The following AKR1C1 variants were observed in gnomAD, a reference collection of about 807,000 sequenced individuals.
AKR1C1 encodes 20 alpha-hydroxysteroid dehydrogenase.
AKR1C1 carries 32 observed loss-of-function variants against 40.6 expected under a neutral mutation model. The ratio of observed to expected loss-of-function variants is 0.79; its 90% CI spans 0.60 to 1.06. The LOEUF (loss-of-function observed/expected upper bound fraction) is 1.06, where lower values mean the gene tolerates loss of function less well. AKR1C1 is among the 50% of genes least tolerant of loss of function. AKR1C1 has a pLI of 0.00. For synonymous variants in AKR1C1, 105 were observed against 134.2 expected (o/e 0.78, Z 1.50); for missense variants, 320 against 363.5 (o/e 0.88, Z 0.97).
chr10:4,975,980 A>T (rs1488784235), intron 8 of AKR1C1, 47 bp downstream of exon 8: 1 of 388,034 alleles, frequency 2.6e-6, no homozygotes, highest in Non-Finnish European at 4.6e-6. Context: ...TCAGAGGAGG[A>T]ACGTAGGATG....
chr10:4,969,034 C>A (rs1311938427), intron 5 of AKR1C1, 90 bp downstream of exon 5: 23 of 1,596,820 alleles, frequency 1.4e-5, no homozygotes, highest in Non-Finnish European at 1.8e-5. Context: ...TCCCACTTAT[C>A]TTTGTAAAAG....
intron 5 of AKR1C1, among the ~76,000 whole-genome samples, chr10:4,971,826 T>G (rs1836433929): frequency 6.6e-6 from 1 of 152,072 alleles, no homozygotes; most frequent in South Asian, 2.1e-4. Context: ...ATTAGGAAAC[T>G]AGTTCTTTTG....
intron 5 of AKR1C1, chr10:4,969,623 T>C: frequency 4.4e-6 from 7 of 1,591,504 alleles, no homozygotes; most frequent in Non-Finnish European, 6.0e-6. Context: ...TTGGAGTCTG[T>C]CATGCAATCA....
intron 5 of AKR1C1, among the ~76,000 whole-genome samples, chr10:4,970,995 C>T (rs185528183): frequency 9.7e-4 from 148 of 151,948 alleles, no homozygotes; most frequent in African/African-American, 3.5e-3. Flanking sequence ...TAACAGTGGT[C>T]AGATCTGTTG....
chr10:4,968,216 T>C (rs1836359784), intron 3 of AKR1C1, 93 bp from the exon 4 acceptor site: 3 of 1,382,186 alleles, frequency 2.2e-6, no homozygotes, highest in Non-Finnish European at 2.0e-6. Context: ...ACCTACCTCA[T>C]GGAGGATTAG....
At chr10:4,969,888 A>G (rs1836396686) in intron 5 of AKR1C1, 2 of 648,624 alleles carry the variant, frequency 3.1e-6, no homozygotes, top group African/African-American at 3.7e-5. Flanking sequence ...AAAATTAGTG[A>G]ATTTGGTATA....
rs1394076669 is a variant in AKR1C1, at chr10:4,981,358, C to G, written c.*3616C>G. The G allele has an allele frequency of 6.6e-6, 1 of 152,104 alleles. No homozygotes were observed. Among genetic ancestry groups the G allele is most frequent in the African/African-American group, 2.4e-5 (1 of 41,400 alleles). The allele number at this position is 152,104 out of a possible 1,614,324, so 9.4% of individuals were successfully genotyped here. On this transcript the variant is annotated 3_prime_UTR_variant, in exon 9 of 9. Transcript: ENST00000380872. The stretch of plus-strand genomic sequence containing the variant: ...ACAAGAAATAATTTTAAAAACTACT[C>G]AAAGAAATCAGAGATATCACAAAAT...
intron 1 of AKR1C1, chr10:4,964,032 C>T (rs904173441): frequency 3.5e-6 from 2 of 574,750 alleles, no homozygotes; most frequent in African/African-American, 3.9e-5. Context: ...GGAAAATTAC[C>T]TGAAACGATA....
chr10:4,965,868 C>T (rs746238071), intron 1 of AKR1C1, 46 bp from the exon 2 acceptor site: 1 of 1,582,676 alleles, frequency 6.3e-7, no homozygotes, highest in African/African-American at 1.4e-5. Flanking sequence ...TGAACTAACT[C>T]TCAGGCACAT....
chr10:4,977,985 CTA>C lies in AKR1C1; in HGVS notation c.*245_*246del. 5.5e-6 allele frequency: 3 copies of C among 549,088 alleles called. No homozygotes were observed. The highest frequency in any genetic ancestry group is 9.5e-6 in the Non-Finnish European group (3 of 314,538). 34.0% of individuals were successfully genotyped at this position (549,088 alleles called of 1,614,324 possible). A position where few individuals can be genotyped will look rare whatever the true frequency, so the allele number is the denominator to read the frequency against. On this transcript the variant is annotated 3_prime_UTR_variant, in exon 9 of 9. Coordinates refer to ENST00000380872, the MANE Select transcript of AKR1C1 (RefSeq NM_001353.6). Reference sequence around the variant, plus strand: ...TCACCTACTTTGGTCTCCATAACTTCTATGTTTTCTTTCCTTCTGACACACTA... The same window carrying C: ...TCACCTACTTTGGTCTCCATAACTTCTGTTTTCTTTCCTTCTGACACACTA...
intron 5 of AKR1C1, among the ~76,000 whole-genome samples, chr10:4,970,725 C>T (rs1192284318): frequency 6.7e-6 from 1 of 149,062 alleles, no homozygotes; most frequent in Non-Finnish European, 1.5e-5. Context: ...AAACCAAACA[C>T]CGCATATTCT....
At chr10:4,969,066 A>T in intron 5 of AKR1C1, 122 bp downstream of exon 5, 1 of 1,557,288 alleles carries the variant, frequency 6.4e-7, no homozygotes, top group Non-Finnish European at 8.7e-7. Flanking sequence ...GAGAGCAAAG[A>T]CTCTGTCTCG....
intron 1 of AKR1C1, among the ~76,000 whole-genome samples, chr10:4,964,278 G>A (rs1180708282): frequency 6.6e-6 from 1 of 152,154 alleles, no homozygotes; most frequent in Non-Finnish European, 1.5e-5. Context: ...TGTGAATAGG[G>A]ACTAGTTACA....
rs1554771030 is a variant in AKR1C1, at chr10:4,981,006, A to C, written c.*3264A>C. On this transcript the variant is annotated 3_prime_UTR_variant, in exon 9 of 9. Transcript: ENST00000380872. ...CTATGATCCATGGGAAACAGAATGC[A>C]TGTTGTGTTAGCAGGCATGGAAAGA... 3 of 152,238 alleles carry C rather than the reference A, an allele frequency of 2.0e-5. No homozygotes were observed. The highest frequency in any genetic ancestry group is 3.8e-4 in the East Asian group (2 of 5,206). 9.4% of individuals were successfully genotyped at this position (152,238 alleles called of 1,614,324 possible).
Position 4,981,569 on chromosome 10 carries a change from C to G in AKR1C1, c.*3827C>G, listed in dbSNP as rs1231173635. On this transcript the variant is annotated 3_prime_UTR_variant, in exon 9 of 9. Transcript: ENST00000380872. ...TTCTTTTCAAGAACCAATGCAGAGA[C>G]TTAACAGATATATGAAAAAATTTCA... 1.3e-5 allele frequency: 2 copies of G among 152,114 alleles called. No individual in the cohort carries two copies. Among genetic ancestry groups the G allele is most frequent in the Admixed American group, 1.3e-4 (2 of 15,270 alleles). 9.4% of individuals were successfully genotyped at this position (152,114 alleles called of 1,614,324 possible).
At chr10:4,966,107 T>C in intron 2 of AKR1C1, 26 bp downstream of exon 2, 1 of 1,602,068 alleles carries the variant, frequency 6.2e-7, no homozygotes, top group South Asian at 1.1e-5. Flanking sequence ...TGAGCTTGTG[T>C]GCACATGTAT....
chr10:4,977,670 C>A, intron 8 of AKR1C1, 30 bp from the exon 9 acceptor site: 1 of 1,612,532 alleles, frequency 6.2e-7, no homozygotes, highest in South Asian at 1.1e-5. Flanking sequence ...CATTGCCATT[C>A]AGAGTGTGCA....
chr10:4,968,379 C>T lies in AKR1C1; in HGVS notation c.440C>T (p.Thr147Ile), dbSNP rs540512862. The change falls in exon 4 of 9, where the codon ACA becomes ATA. Residue 147 changes from threonine (T) to isoleucine (I), a missense_variant. Around this residue, in one of 3 missense-constraint regions of AKR1C1, gnomAD observed 214 missense variants for 214.8 expected, o/e 1.00. Coordinates refer to ENST00000380872, the MANE Select transcript of AKR1C1 (RefSeq NM_001353.6). ...ILFDTVDLCA[T>I]WEAVEKCKDA... ...TTTGACACAGTGGATCTCTGTGCCA[C>T]ATGGGAGGTGAGTGTTTGGAGGTGA... 639 of 1,567,136 alleles carry T rather than the reference C, an allele frequency of 4.1e-4. 3 individuals are homozygous for T. The East Asian group carries it at 0.011, about 28-fold the overall frequency.
chr10:4,982,838 G>GA lies in AKR1C1; in HGVS notation c.*5100dup, dbSNP rs1403066905. The GA allele has an allele frequency of 3.9e-5, 15 of 384,960 alleles. No homozygotes were observed. Among genetic ancestry groups the GA allele is most frequent in the South Asian group, 5.9e-5 (3 of 50,578 alleles). 23.8% of individuals were successfully genotyped at this position (384,960 alleles called of 1,614,324 possible). A position where few individuals can be genotyped will look rare whatever the true frequency, so the allele number is the denominator to read the frequency against. ...TAAATAGAACTGTTCCCAGGAAGGAGAAAATGCCTGCATGAGCTCAGCTGT... is the reference window on the plus strand; with the variant it reads ...TAAATAGAACTGTTCCCAGGAAGGAGAAAAATGCCTGCATGAGCTCAGCTGT... On this transcript the variant is annotated 3_prime_UTR_variant, in exon 9 of 9. Transcript: ENST00000380872.
Sources: allele counts gnomAD v4.1 joint callset (sites outside exome capture counted in the v4.1 genomes callset), GRCh38; gene constraint gnomAD v4.1.1; regional missense constraint gnomAD v4.1.1; transcripts MANE v1.5; gene names NCBI Gene and HGNC (gene_info 2026-07-23, HGNC 2026-07-21).